Variants in PCNX2 observed in about 807,000 individuals in gnomAD.
PCNX2 encodes pecanex 2, also known as pecanex-like protein 2.
A neutral mutation model predicts 223.8 loss-of-function variants in PCNX2; 168 were observed. The observed-to-expected ratio is 0.75, with a 90% CI of 0.66 to 0.85. The LOEUF (loss-of-function observed/expected upper bound fraction) is 0.85. PCNX2 is among the 40% of genes least tolerant of loss of function. The pLI, the probability that PCNX2 is intolerant of heterozygous loss-of-function variation, is 0.00. For synonymous variants in PCNX2, 1,006 were observed against 1,052.6 expected (o/e 0.96, Z 0.86); for missense variants, 2,507 against 2,675.5 (o/e 0.94, Z 1.39).
intron 23 of PCNX2, among the ~76,000 whole-genome samples, chr1:233,083,287 G>A (rs1291846757): frequency 6.6e-6 from 1 of 152,154 alleles, no homozygotes; most frequent in South Asian, 2.1e-4. Flanking sequence ...CATTTGGCCT[G>A]AAAAAGAGGG....
intron 17 of PCNX2, among the ~76,000 whole-genome samples, chr1:233,171,366 C>A (rs1679143723): frequency 6.6e-6 from 1 of 151,538 alleles, no homozygotes; most frequent in East Asian, 1.9e-4. Flanking sequence ...TGAAAAATAT[C>A]TTCAGAATTA....
In PCNX2 at chr1:233,198,983, A is replaced by T. The variant is rs1397355250; in HGVS notation, c.3022T>A (p.Leu1008Met). The T allele has an allele frequency of 1.9e-6, 3 of 1,606,016 alleles. No homozygotes were observed. Among genetic ancestry groups the T allele is most frequent in the Non-Finnish European group, 2.5e-6 (3 of 1,176,742 alleles). Residue 1008 changes from leucine (L) to methionine (M), a missense_variant, in exon 15 of 34, where the codon TTG (leucine) becomes ATG (methionine). By Grantham distance (15) the Leu-to-Met change is conservative. Transcript: ENST00000258229. ...ACTGCGTGGAGCAGGGCGGCAGCCA[A>T]GACGCTCCGGGCCACACTGTAAACA... ...SAVYSVARSVLAAALLHAVCF... is the reference protein window; with the variant it reads ...SAVYSVARSVMAAALLHAVCF...
chr1:233,288,987 A>C lies in PCNX2; in HGVS notation c.153+6339T>G. 3 of 1,515,104 alleles carry C rather than the reference A, an allele frequency of 2.0e-6. No homozygotes were observed. In the Admixed American group the frequency reaches 5.0e-5, roughly 25 times the overall value. 93.9% of individuals were successfully genotyped at this position (1,515,104 alleles called of 1,614,324 possible). ...CTGTGCTTTGTCCAAATGAACCTTC[A>C]TGAGCCGGCTGCCATCTAGTTTCAC... is the stretch of plus-strand genomic sequence containing the variant. On this transcript the variant is annotated intron_variant, in intron 1 of 33. Coordinates refer to ENST00000258229, the MANE Select transcript of PCNX2 (RefSeq NM_014801.4).
chr1:233,257,930 G>T, intron 5 of PCNX2, 98 bp downstream of exon 5: 1 of 1,433,768 alleles, frequency 7.0e-7, no homozygotes, highest in Non-Finnish European at 9.2e-7. Flanking sequence ...CCCAAGAGTT[G>T]TCTCACTATT....
In PCNX2 at chr1:233,295,662, C is replaced by T. The variant is rs1662049742; in HGVS notation, c.-184G>A. On this transcript the variant is annotated 5_prime_UTR_variant, in exon 1 of 34. Coordinates refer to ENST00000258229, the MANE Select transcript of PCNX2 (RefSeq NM_014801.4). This position sits in a 1 kb window ranked among gnomAD's most constrained non-coding sequence, Gnocchi z 4.1. ...GCTGGAGCTGCTCTTCCGCCCGGAC[C>T]CGCGAACCGCGGCGCCGGAGCCGGC... 1 of 622,286 alleles carries T rather than the reference C, an allele frequency of 1.6e-6. No homozygotes were observed. The highest frequency in any genetic ancestry group is 2.3e-6 in the Non-Finnish European group (1 of 433,156). 38.5% of individuals were successfully genotyped at this position (622,286 alleles called of 1,614,324 possible).
At chr1:233,189,078 T>C (rs1680273190) in intron 15 of PCNX2, among the ~76,000 whole-genome samples, 1 of 152,182 alleles carries the variant, frequency 6.6e-6, no homozygotes, top group Non-Finnish European at 1.5e-5. Context: ...CCAGGCACTT[T>C]ATAGACATTA....
In PCNX2 at chr1:233,017,458, C is replaced by G. The variant is rs534394849; in HGVS notation, c.4606-304G>C. Among the ~76,000 whole-genome samples, 3 of 152,048 alleles carry G rather than the reference C, an allele frequency of 2.0e-5. No individual in the cohort carries two copies. The South Asian group carries it at 6.2e-4, about 32-fold the overall frequency. ...TCAGCCTCCCAAGTAGCTGGGACTACAGGCGCCCGCCACCACGCCCAGCTA... is the reference window on the plus strand; with the variant it reads ...TCAGCCTCCCAAGTAGCTGGGACTAGAGGCGCCCGCCACCACGCCCAGCTA... On this transcript the variant is annotated intron_variant, in intron 26 of 33. Transcript: ENST00000258229.
intron 19 of PCNX2, among the ~76,000 whole-genome samples, chr1:233,141,103 T>C (rs1677083396): frequency 6.6e-6 from 1 of 152,170 alleles, no homozygotes; most frequent in Admixed American, 6.5e-5. Flanking sequence ...GTTTTTACAT[T>C]GGGTTGCACA....
chr1:233,178,012 C>T, intron 16 of PCNX2, 114 bp from the exon 17 acceptor site: 1 of 717,706 alleles, frequency 1.4e-6, no homozygotes, highest in Non-Finnish European at 2.3e-6. Flanking sequence ...GTGCTCTCTT[C>T]ATTTAAAAAT....
At chr1:233,230,300 G>T (rs1036969315) in intron 9 of PCNX2, among the ~76,000 whole-genome samples, 6 of 152,154 alleles carry the variant, frequency 3.9e-5, no homozygotes, top group African/African-American at 9.7e-5. Flanking sequence ...ATTCCCTGGA[G>T]TGCATCAACA....
intron 17 of PCNX2, among the ~76,000 whole-genome samples, chr1:233,161,955 ATT>A (rs918898747): frequency 8.8e-5 from 13 of 147,020 alleles, no homozygotes; most frequent in South Asian, 4.2e-4. Flanking sequence ...CTTCAAAATT[ATT>A]TTTTATATAT....
chr1:233,244,745 G>C (rs969705449), intron 8 of PCNX2, among the ~76,000 whole-genome samples: 3 of 152,006 alleles, frequency 2.0e-5, no homozygotes, highest in African/African-American at 7.2e-5. Flanking sequence ...AAAAACTCAG[G>C]ACTGGAAAAT....
chr1:233,231,864 G>T (rs1448982678), intron 9 of PCNX2, among the ~76,000 whole-genome samples: 3 of 152,116 alleles, frequency 2.0e-5, no homozygotes, highest in African/African-American at 7.2e-5. Flanking sequence ...AGGAACACTG[G>T]GTCAGGGTCC....
intron 32 of PCNX2, among the ~76,000 whole-genome samples, chr1:232,994,023 T>C (rs2102785984): frequency 6.6e-6 from 1 of 152,314 alleles, no homozygotes; most frequent in South Asian, 2.1e-4. Flanking sequence ...GGAGTTCTCA[T>C]GGAGAACCTC....
chr1:233,261,926 A>T, intron 3 of PCNX2, 119 bp downstream of exon 3: 3 of 1,448,972 alleles, frequency 2.1e-6, no homozygotes, highest in Non-Finnish European at 2.9e-6. Flanking sequence ...ATTCCACTGT[A>T]CACGGGCCAG....
intron 17 of PCNX2, among the ~76,000 whole-genome samples, chr1:233,164,906 T>G (rs190513428): frequency 1.7e-4 from 26 of 152,194 alleles, no homozygotes; most frequent in African/African-American, 6.3e-4. Flanking sequence ...GGAGAGATTG[T>G]TCAATGAATA....
chr1:233,257,563 T>C (rs983941208), intron 5 of PCNX2, among the ~76,000 whole-genome samples: 19 of 152,180 alleles, frequency 1.2e-4, no homozygotes, highest in Non-Finnish European at 2.2e-4. Context: ...GCAGAAGTGT[T>C]TGTTATTATT....
chr1:233,057,389 T>C, intron 23 of PCNX2, 99 bp from the exon 24 acceptor site: 5 of 892,458 alleles, frequency 5.6e-6, no homozygotes, highest in Non-Finnish European at 9.1e-6. Flanking sequence ...AATGCAAAGG[T>C]GACAGATCTC....
chr1:233,187,455 C>T (rs1036001678), intron 15 of PCNX2, among the ~76,000 whole-genome samples: 5 of 152,106 alleles, frequency 3.3e-5, no homozygotes, highest in Non-Finnish European at 5.9e-5. Context: ...CTGTTTTCCA[C>T]CTACCCTCTC....
Sources: allele counts gnomAD v4.1 joint callset (sites outside exome capture counted in the v4.1 genomes callset), GRCh38; gene constraint gnomAD v4.1.1; non-coding constraint Gnocchi (gnomAD v3.1); transcripts MANE v1.5; gene names NCBI Gene and HGNC (gene_info 2026-07-23, HGNC 2026-07-21).